ZNF678: variants seen among roughly 807,000 people sequenced by gnomAD.
The protein encoded by ZNF678 is hypothetical protein MGC42493.
In ZNF678, 5 loss-of-function variants were observed where a neutral mutation model predicts 3.0. The observed-to-expected ratio is 1.69, with a 90% CI of 0.88 to 3.56. ZNF678 has a LOEUF of 3.56. Among genes scored for constraint, ZNF678 ranks in the 30% most tolerant of loss-of-function variants. The pLI, the probability that ZNF678 is intolerant of heterozygous loss-of-function variation, is 0.00. For missense variants in ZNF678, 593 were observed against 605.0 expected, an observed-to-expected ratio of 0.98 and a Z score of 0.21; for synonymous variants, 218 against 199.6, an observed-to-expected ratio of 1.09 and a Z score of -0.78.
At chr1:227,566,388 G>A (rs1474852558) in intron 1 of ZNF678, among the ~76,000 whole-genome samples, 1 of 152,204 alleles carries the variant, frequency 6.6e-6, no homozygotes, top group South Asian at 2.1e-4. Context: ...TCTCAGACTT[G>A]TGAAGGGAGA....
At chr1:227,570,908 T>G (rs1321082458) in intron 1 of ZNF678, among the ~76,000 whole-genome samples, 2 of 152,150 alleles carry the variant, frequency 1.3e-5, no homozygotes, top group African/African-American at 4.8e-5. Context: ...AAGATTAAGT[T>G]TAGTGCAGAC....
chr1:227,569,110 C>T (rs77074017), intron 1 of ZNF678, among the ~76,000 whole-genome samples: 3,790 of 152,230 alleles, frequency 0.025, 71 homozygotes, highest in Non-Finnish European at 0.038. Flanking sequence ...CTGCCTCACC[C>T]TCTGGAATAA....
Position 227,563,684 on chromosome 1 carries a change from A to G in ZNF678, c.-204A>G. 2.3e-6 allele frequency: 3 copies of G among 1,332,370 alleles called. No homozygotes were observed. The highest frequency in any genetic ancestry group is 3.0e-6 in the Non-Finnish European group (3 of 1,003,004). 82.5% of individuals were successfully genotyped at this position (1,332,370 alleles called of 1,614,324 possible). On this transcript the variant is annotated 5_prime_UTR_variant, in exon 1 of 4. Coordinates refer to ENST00000343776, the MANE Select transcript of ZNF678 (RefSeq NM_001367909.1). The stretch of plus-strand genomic sequence containing the variant: ...CTGTGACCTGCAGGTACTGGGAGTT[A>G]CATAGCTAAGATGCCAGGACACCCC...
chr1:227,644,111 C>T (rs763547226), intron 1 of ZNF678, among the ~76,000 whole-genome samples: 3 of 151,992 alleles, frequency 2.0e-5, no homozygotes, highest in Non-Finnish European at 2.9e-5. Flanking sequence ...GTGATCCGCC[C>T]GCCTCAGCCT....
At chr1:227,590,830 T>C (rs1227892028) in intron 1 of ZNF678, among the ~76,000 whole-genome samples, 1 of 151,792 alleles carries the variant, frequency 6.6e-6, no homozygotes, top group East Asian at 1.9e-4. Flanking sequence ...CTCTGTGTCG[T>C]TTGAACTCCA....
chr1:227,655,161 A>G lies in ZNF678; in HGVS notation c.911A>G (p.Gln304Arg), dbSNP rs1659199284. The change falls in exon 4 of 4, where the codon CAG becomes CGG. Residue 304 changes from glutamine to arginine, a missense_variant. Gln to Arg is a conservative substitution (Grantham distance 43). Transcript: ENST00000343776. ...GAAGAATGTGGCAAAGCCTTTACAC[A>G]GTTTGCAAGCCTTACTCGTCATAAA... ...KCEECGKAFT[Q>R]FASLTRHKRI... The G allele has an allele frequency of 6.2e-7, 1 of 1,605,374 alleles. No homozygotes were observed. The highest frequency in any genetic ancestry group is 8.5e-7 in the Non-Finnish European group (1 of 1,176,272).
chr1:227,573,070 A>G (rs1472420040), intron 1 of ZNF678, among the ~76,000 whole-genome samples: 1 of 152,244 alleles, frequency 6.6e-6, no homozygotes, highest in African/African-American at 2.4e-5. Context: ...GCCACGTGGC[A>G]TGGGGTTTCT....
intron 1 of ZNF678, among the ~76,000 whole-genome samples, chr1:227,629,889 C>T (rs1469966823): frequency 6.6e-6 from 1 of 152,016 alleles, no homozygotes; most frequent in Non-Finnish European, 1.5e-5. Context: ...CAGCCTTTCC[C>T]TTTTCCAGAG....
downstream of ZNF678, among the ~76,000 whole-genome samples, chr1:227,665,539 G>C (rs910429092): frequency 4.6e-5 from 7 of 152,192 alleles, no homozygotes; most frequent in Admixed American, 3.3e-4. Flanking sequence ...GGAGGCTTAA[G>C]GTTGTACACT....
At chr1:227,593,181 T>TGGA (rs879712756) in intron 1 of ZNF678, among the ~76,000 whole-genome samples, 5 of 152,220 alleles carry the variant, frequency 3.3e-5, no homozygotes, top group Non-Finnish European at 5.9e-5. Context: ...CCTGGTCTAC[T>TGGA]GGAGGACCAC....
chr1:227,586,042 G>A (rs1657253401), intron 1 of ZNF678, among the ~76,000 whole-genome samples: 1 of 151,910 alleles, frequency 6.6e-6, no homozygotes, highest in African/African-American at 2.4e-5. Context: ...AAAATGATGA[G>A]CCAGGCAAGA....
At chr1:227,616,980 T>G (rs1468970094) in intron 1 of ZNF678, among the ~76,000 whole-genome samples, 1 of 152,146 alleles carries the variant, frequency 6.6e-6, no homozygotes, top group Non-Finnish European at 1.5e-5. Flanking sequence ...TTGGGCCATG[T>G]GATAGCAGAT....
intron 1 of ZNF678, among the ~76,000 whole-genome samples, chr1:227,603,203 A>C (rs2102751799): frequency 6.6e-6 from 1 of 152,264 alleles, no homozygotes; most frequent in African/African-American, 2.4e-5. Flanking sequence ...CAGAGCTCCA[A>C]ATCTGTTCCT....
chr1:227,589,540 TCCTGTCTCAAGAG>T (rs1459006901), intron 1 of ZNF678, among the ~76,000 whole-genome samples: 8 of 151,622 alleles, frequency 5.3e-5, no homozygotes, highest in Non-Finnish European at 8.8e-5. Flanking sequence ...TTGGCAAGAC[TCCTGTCTCAAGAG>T]CCAAGCTCCC....
At chr1:227,569,340 T>C (rs1164787420) in intron 1 of ZNF678, among the ~76,000 whole-genome samples, 1 of 152,100 alleles carries the variant, frequency 6.6e-6, no homozygotes, top group African/African-American at 2.4e-5. Context: ...TATATGCAAA[T>C]TTTTTTTACC....
At chr1:227,596,968 T>A (rs993816719) in intron 1 of ZNF678, among the ~76,000 whole-genome samples, 4 of 152,234 alleles carry the variant, frequency 2.6e-5, no homozygotes, top group Non-Finnish European at 5.9e-5. Context: ...AATCTAGTTT[T>A]TTCTTTGAAT....
intron 5 of ZNF678, among the ~76,000 whole-genome samples, chr1:227,674,134 A>G (rs1294253383): frequency 6.6e-6 from 1 of 152,220 alleles, no homozygotes; most frequent in Non-Finnish European, 1.5e-5. Flanking sequence ...AGGAAGTTTC[A>G]GGGAAGAGAA....
downstream of ZNF678, among the ~76,000 whole-genome samples, chr1:227,664,127 G>T (rs191166540): frequency 6.6e-6 from 1 of 152,250 alleles, no homozygotes; most frequent in Admixed American, 6.5e-5. Flanking sequence ...ATTGAGCCAT[G>T]ATTACACCAC....
intron 2 of ZNF678, among the ~76,000 whole-genome samples, chr1:227,649,853 TTTA>T (rs1370915688): frequency 3.3e-5 from 5 of 152,178 alleles, no homozygotes; most frequent in South Asian, 4.1e-4. Flanking sequence ...GTTTTTCAAT[TTTA>T]TTATTATTAT....
Sources: gnomAD v4.1 joint callset for allele counts (sites outside exome capture counted in the v4.1 genomes callset) on GRCh38, gnomAD v4.1.1 for gene constraint, MANE v1.5 for transcripts, NCBI Gene and HGNC (gene_info 2026-07-23, HGNC 2026-07-21) for gene names.